The following KICS2 variants were observed in gnomAD, a reference collection of about 807,000 sequenced individuals.
The protein encoded by KICS2 is KICSTOR complex protein C12orf66.
A neutral mutation model predicts 31.4 loss-of-function variants in KICS2; 13 were observed. The observed-to-expected ratio is 0.41, with a 90% CI of 0.27 to 0.66. The LOEUF is 0.66. Among genes scored for constraint, KICS2 ranks in the 30% least tolerant of loss-of-function variants. KICS2 has a pLI of 0.28. For missense variants in KICS2, 455 were observed against 545.4 expected, an observed-to-expected ratio of 0.83 and a Z score of 1.65; for synonymous variants, 209 against 214.8, an observed-to-expected ratio of 0.97 and a Z score of 0.24.
chr12:64,188,338 A>T (rs1269234845), downstream of KICS2, among the ~76,000 whole-genome samples: 2 of 152,202 alleles, frequency 1.3e-5, no homozygotes, highest in Non-Finnish European at 2.9e-5. Flanking sequence ...AGCCTGGCCA[A>T]CATGGTGAAA....
intron 2 of KICS2, among the ~76,000 whole-genome samples, chr12:64,199,051 GA>G (rs1316811995): frequency 3.0e-5 from 3 of 98,792 alleles, no homozygotes; most frequent in African/African-American, 1.2e-4. Context: ...CATTCCTTCT[GA>G]AACTATTCCA....
chr12:64,192,849 A>G lies in KICS2; in HGVS notation c.*993T>C. 3.0e-6 allele frequency: 3 copies of G among 985,452 alleles called. No individual in the cohort carries two copies. Among genetic ancestry groups the G allele is most frequent in the Non-Finnish European group, 3.6e-6 (3 of 829,938 alleles). 61.0% of individuals were successfully genotyped at this position (985,452 alleles called of 1,614,324 possible). A position where few individuals can be genotyped will look rare whatever the true frequency, so the allele number is the denominator to read the frequency against. On this transcript the variant is annotated 3_prime_UTR_variant, in exon 3 of 3. Coordinates refer to ENST00000398055, the MANE Select transcript of KICS2 (RefSeq NM_152440.5). ...CAAGTTCAGAAGTGCTTAAGTACTGAGGTGATTACTCAACTATGAAGAGGT... is the reference window on the plus strand; with the variant it reads ...CAAGTTCAGAAGTGCTTAAGTACTGGGGTGATTACTCAACTATGAAGAGGT...
At chr12:64,198,960 A>G (rs1484561157) in intron 2 of KICS2, among the ~76,000 whole-genome samples, 1 of 149,798 alleles carries the variant, frequency 6.7e-6, no homozygotes, top group Non-Finnish European at 1.5e-5. Flanking sequence ...GCAATAATCG[A>G]TAGTTTACCA....
chr12:64,194,812 T>A, intron 2 of KICS2, 154 bp from the exon 3 acceptor site: 1 of 667,556 alleles, frequency 1.5e-6, no homozygotes, highest in Non-Finnish European at 1.9e-6. Context: ...TGATTTATTT[T>A]AAAATTCTGA....
At chr12:64,190,910 G>A (rs1428589995), downstream of KICS2, among the ~76,000 whole-genome samples, 1 of 152,078 alleles carries the variant, frequency 6.6e-6, no homozygotes, top group African/African-American at 2.4e-5. Flanking sequence ...GATCAGGTAG[G>A]ACCCAGAGAG....
chr12:64,195,659 C>A (rs911458426), intron 2 of KICS2, among the ~76,000 whole-genome samples: 1 of 152,310 alleles, frequency 6.6e-6, no homozygotes, highest in African/African-American at 2.4e-5. Flanking sequence ...ACGCAGAAGA[C>A]GGGTGATTTC....
intron 1 of KICS2, among the ~76,000 whole-genome samples, chr12:64,218,913 G>A: frequency 6.6e-6 from 1 of 152,146 alleles, no homozygotes; most frequent in East Asian, 1.9e-4. Context: ...AAAGCTCTCA[G>A]GAACCCAATC....
chr12:64,193,680 G>C lies in KICS2; in HGVS notation c.*162C>G. The C allele has an allele frequency of 7.0e-7, 1 of 1,427,274 alleles. No homozygotes were observed. The highest frequency in any genetic ancestry group is 9.1e-7 in the Non-Finnish European group (1 of 1,095,986). The allele number at this position is 1,427,274 out of a possible 1,614,324, so 88.4% of individuals were successfully genotyped here. A position where few individuals can be genotyped will look rare whatever the true frequency, so the allele number is the denominator to read the frequency against. On this transcript the variant is annotated 3_prime_UTR_variant, in exon 3 of 3. Transcript: ENST00000398055. ...ACTCTTTGGAAACTTAATTCAATTG[G>C]CCTTAATTGCTTATAAAGTGTGCAA...
At chr12:64,197,415 C>A (rs1213225991) in intron 2 of KICS2, among the ~76,000 whole-genome samples, 2 of 147,812 alleles carry the variant, frequency 1.4e-5, no homozygotes, top group Admixed American at 1.4e-4. Flanking sequence ...GATTTTGTCA[C>A]CACCAGGCCT....
At chr12:64,196,943 G>T (rs1453769093) in intron 2 of KICS2, among the ~76,000 whole-genome samples, 1 of 145,510 alleles carries the variant, frequency 6.9e-6, no homozygotes, top group Admixed American at 7.2e-5. Flanking sequence ...AGAAATATGG[G>T]ACTATGTGAA....
At chr12:64,202,797 T>C (rs957000282) in intron 2 of KICS2, among the ~76,000 whole-genome samples, 3 of 151,976 alleles carry the variant, frequency 2.0e-5, no homozygotes, top group Non-Finnish European at 4.4e-5. Flanking sequence ...TCACATGTAA[T>C]AGTAATGTTT....
rs557536820 is a variant in KICS2, at chr12:64,192,688, G to A, written c.*1154C>T. 239 of 985,386 alleles carry A rather than the reference G, an allele frequency of 2.4e-4. No homozygotes were observed. In the African/African-American group the frequency reaches 3.8e-3, roughly 16 times the overall value. 61.0% of individuals were successfully genotyped at this position (985,386 alleles called of 1,614,324 possible). On this transcript the variant is annotated 3_prime_UTR_variant, in exon 3 of 3. Transcript: ENST00000398055. ...TTTGAATCAATAATCTAGAAGTGAA[G>A]GTCTCCACAGCCCATTATGCCTTCA...
At chr12:64,195,159 C>T (rs1279378096) in intron 2 of KICS2, among the ~76,000 whole-genome samples, 1 of 152,176 alleles carries the variant, frequency 6.6e-6, no homozygotes, top group East Asian at 1.9e-4. Context: ...AAGTGATCTT[C>T]CCACCTTGGC....
At chr12:64,194,702 AC>A (rs1213178162) in intron 2 of KICS2, 44 bp from the exon 3 acceptor site, 1 of 1,533,394 alleles carries the variant, frequency 6.5e-7, no homozygotes, top group African/African-American at 1.4e-5. Context: ...ATGTTACTTC[AC>A]TTGCCACACT....
intron 1 of KICS2, among the ~76,000 whole-genome samples, chr12:64,218,938 T>A (rs1280553585): frequency 6.6e-6 from 1 of 152,218 alleles, no homozygotes; most frequent in Non-Finnish European, 1.5e-5. Context: ...CTGTTCACTA[T>A]CTTGGTTTGG....
At position 64,222,205 on chromosome 12, in the gene KICS2, G is replaced by C; in HGVS notation, c.33C>G (p.Val11=). The C allele has an allele frequency of 6.2e-7, 1 of 1,614,030 alleles. No homozygotes were observed. Among genetic ancestry groups the C allele is most frequent in the Non-Finnish European group, 8.5e-7 (1 of 1,179,960 alleles). Residue 11 remains valine, a synonymous_variant, in exon 1 of 3, where the codon GTC becomes GTG. Coordinates refer to ENST00000398055, the MANE Select transcript of KICS2 (RefSeq NM_152440.5). MGESIPLAAP[V]PVEQAVLETF... ...TCTCCAGCACCGCCTGTTCCACCGG[G>C]ACCGGGGCGGCCAGCGGGATAGACT...
intron 1 of KICS2, among the ~76,000 whole-genome samples, chr12:64,219,764 TTTTA>T (rs1251811126): frequency 6.6e-6 from 1 of 152,204 alleles, no homozygotes; most frequent in Non-Finnish European, 1.5e-5. Context: ...ATATATATAG[TTTTA>T]TTTGTCAATT....
intron 2 of KICS2, among the ~76,000 whole-genome samples, chr12:64,211,227 TAAAAG>T (rs1319076651): frequency 1.3e-5 from 2 of 152,030 alleles, no homozygotes; most frequent in Admixed American, 1.3e-4. Flanking sequence ...GAGGAAGAAA[TAAAAG>T]AATACTTCCA....
At chr12:64,214,695 T>A (rs1018753201) in intron 2 of KICS2, among the ~76,000 whole-genome samples, 1 of 151,850 alleles carries the variant, frequency 6.6e-6, no homozygotes, top group South Asian at 2.1e-4. Flanking sequence ...CTGACCAACA[T>A]GATGAAACCC....
Sources: allele counts gnomAD v4.1 joint callset (sites outside exome capture counted in the v4.1 genomes callset), GRCh38; gene constraint gnomAD v4.1.1; transcripts MANE v1.5; gene names NCBI Gene and HGNC (gene_info 2026-07-23, HGNC 2026-07-21).